STXBP5: variants seen among roughly 807,000 people sequenced by gnomAD.
The protein encoded by STXBP5 is syntaxin binding protein 5.
Under a neutral mutation model 152.4 loss-of-function variants are expected in STXBP5, and 50 were observed. The observed-to-expected ratio is 0.33, with a 90% CI of 0.26 to 0.42. The LOEUF (loss-of-function observed/expected upper bound fraction) is 0.42, where lower values mean the gene tolerates loss of function less well. Ranked by LOEUF, STXBP5 falls within the 10% of genes least tolerant of loss-of-function variation. The pLI is 1.00. For missense variants in STXBP5, 1,167 were observed against 1,388.6 expected (o/e 0.84, Z 2.54); for synonymous variants, 492 against 494.7 (o/e 0.99, Z 0.07).
intron 4 of STXBP5, among the ~76,000 whole-genome samples, chr6:147,251,117 G>C (rs1216514974): frequency 6.6e-6 from 1 of 152,206 alleles, no homozygotes; most frequent in African/African-American, 2.4e-5. Context: ...TGGTTAGACA[G>C]TGGGTGCAGT....
chr6:147,269,725 C>T (rs948891464), intron 7 of STXBP5, among the ~76,000 whole-genome samples: 3 of 152,064 alleles, frequency 2.0e-5, no homozygotes, highest in Non-Finnish European at 4.4e-5. Context: ...GAAAAATACT[C>T]TGAACAGTAC....
chr6:147,376,240 A>G (rs1785803852), intron 26 of STXBP5, among the ~76,000 whole-genome samples: 1 of 152,192 alleles, frequency 6.6e-6, no homozygotes, highest in African/African-American at 2.4e-5. Flanking sequence ...AGATTCTTGA[A>G]TTTTTTGGGA....
intron 21 of STXBP5, among the ~76,000 whole-genome samples, chr6:147,349,891 A>G (rs180715392): frequency 1.2e-4 from 19 of 152,334 alleles, no homozygotes; most frequent in Admixed American, 3.3e-4. Context: ...TAACACAAGT[A>G]ACAAAAGTTA....
rs1785590832 is a variant in STXBP5, at chr6:147,372,406, CCTTTTTTTTTTTTTTTTTT to C, written c.3082-1324_3082-1306del. On this transcript the variant is annotated intron_variant, in intron 25 of 27. Coordinates refer to ENST00000321680, the MANE Select transcript of STXBP5 (RefSeq NM_001127715.4). ...ATATAAATGTTACTACCGTCCTTTT[CCTTTTTTTTTTTTTTTTTT>C]TTTTTTTTTTTTTTTTTTTTTTTTT... Among the ~76,000 whole-genome samples, 38 of 39,106 alleles carry C rather than the reference CCTTTTTTTTTTTTTTTTTT, an allele frequency of 9.7e-4. 6 individuals are homozygous for C. Among genetic ancestry groups the C allele is most frequent in the East Asian group, 4.4e-3 (4 of 918 alleles). 25.7% of individuals were successfully genotyped at this position (39,106 alleles called of 152,430 possible).
chr6:147,358,027 G>A (rs538376462), intron 22 of STXBP5, among the ~76,000 whole-genome samples: 10 of 152,208 alleles, frequency 6.6e-5, no homozygotes, highest in South Asian at 4.1e-4. Context: ...TTTTAAATGC[G>A]CCTGTCATTA....
chr6:147,279,814 G>A (rs1035219627), intron 8 of STXBP5, among the ~76,000 whole-genome samples: 19 of 152,000 alleles, frequency 1.3e-4, no homozygotes, highest in African/African-American at 4.1e-4. Context: ...AACCCTGCTG[G>A]AACCTACGAA....
At chr6:147,267,208 T>G in intron 7 of STXBP5, 41 bp downstream of exon 7, 1 of 1,514,572 alleles carries the variant, frequency 6.6e-7, no homozygotes, top group Middle Eastern at 1.7e-4. Flanking sequence ...GTCATTTCTC[T>G]CATATAAAGC....
chr6:147,230,669 GTGTGTGTA>G (rs1413348524), intron 2 of STXBP5, among the ~76,000 whole-genome samples: 1 of 151,864 alleles, frequency 6.6e-6, no homozygotes, highest in Admixed American at 6.6e-5. Flanking sequence ...CTGTGTGTGT[GTGTGTGTA>G]TGTGTGTGTT....
At chr6:147,284,265 G>A (rs562106131) in intron 8 of STXBP5, among the ~76,000 whole-genome samples, 35 of 152,168 alleles carry the variant, frequency 2.3e-4, no homozygotes, top group African/African-American at 6.7e-4. Flanking sequence ...GAACATAACT[G>A]CAGTGTAACA....
intron 26 of STXBP5, among the ~76,000 whole-genome samples, chr6:147,378,562 A>G (rs189753568): frequency 6.6e-6 from 1 of 152,210 alleles, no homozygotes; most frequent in East Asian, 1.9e-4. Flanking sequence ...ATTAACACAT[A>G]CATTCAGCAT....
intron 5 of STXBP5, 107 bp from the exon 6 acceptor site, chr6:147,262,183 C>G (rs889224429): frequency 4.2e-5 from 30 of 707,152 alleles, no homozygotes; most frequent in Non-Finnish European, 6.6e-5. Flanking sequence ...TCCTTTCTTT[C>G]TTTATAAATA....
At chr6:147,296,578 A>G (rs1781536742) in intron 9 of STXBP5, among the ~76,000 whole-genome samples, 1 of 152,224 alleles carries the variant, frequency 6.6e-6, no homozygotes, top group South Asian at 2.1e-4. Context: ...TGAAAAAGCA[A>G]GGAAACATGA....
chr6:147,349,072 CAT>C (rs1392631460), intron 21 of STXBP5, among the ~76,000 whole-genome samples: 1 of 151,676 alleles, frequency 6.6e-6, no homozygotes, highest in African/African-American at 2.4e-5. Context: ...GCATATATAA[CAT>C]AAGATACAGT....
intron 25 of STXBP5, among the ~76,000 whole-genome samples, chr6:147,371,683 TATA>T (rs1331012583): frequency 3.9e-5 from 6 of 152,158 alleles, no homozygotes; most frequent in Admixed American, 2.0e-4. Flanking sequence ...CTACAGAGAA[TATA>T]ATGAGTTTAA....
chr6:147,387,622 A>G lies in STXBP5; in HGVS notation c.*2867A>G, dbSNP rs1045209250. ...CTTAACACTTTTGCTTTGCATTTCA[A>G]TTGTACAAAGTGTTTCCAAAAAAAT... On this transcript the variant is annotated 3_prime_UTR_variant, in exon 28 of 28. Coordinates refer to ENST00000321680, the MANE Select transcript of STXBP5 (RefSeq NM_001127715.4). 8 of 151,752 alleles carry G rather than the reference A, an allele frequency of 5.3e-5. No homozygotes were observed. Among genetic ancestry groups the G allele is most frequent in the South Asian group, 2.1e-4 (1 of 4,834 alleles). The allele number at this position is 151,752 out of a possible 1,614,324, so 9.4% of individuals were successfully genotyped here.
In STXBP5 at chr6:147,291,160, C is replaced by A; in HGVS notation, c.905C>A (p.Thr302Lys). ...CCTATCCTCAAGGTGGAATTCAAAA[C>A]GACTAGATCTGGGTAAGATTTTACT... The part of the protein sequence containing the change: ...CKPILKVEFK[T>K]TRSGEPFIIL... The change falls in exon 9 of 28, where the codon ACG becomes AAG. Residue 302 changes from threonine (T) to lysine (K), a missense_variant. By Grantham distance (78) the Thr-to-Lys change is moderately conservative. This residue lies in a region of STXBP5 where 24 missense variants were observed against 56.2 expected (regional missense o/e 0.43). Transcript: ENST00000321680. The A allele has an allele frequency of 6.2e-7, 1 of 1,612,324 alleles. No individual in the cohort carries two copies.
chr6:147,296,932 G>T (rs1781556148), intron 9 of STXBP5, among the ~76,000 whole-genome samples: 1 of 151,934 alleles, frequency 6.6e-6, no homozygotes, highest in African/African-American at 2.4e-5. Context: ...AAAAAAATAA[G>T]AATAAAAAAG....
intron 23 of STXBP5, among the ~76,000 whole-genome samples, chr6:147,361,479 A>G (rs377028297): frequency 2.6e-5 from 4 of 152,304 alleles, no homozygotes; most frequent in Admixed American, 2.6e-4. Flanking sequence ...TTAAAAATAT[A>G]TCAGTGACAC....
chr6:147,382,640 T>A, intron 26 of STXBP5, 138 bp from the exon 27 acceptor site: 1 of 818,198 alleles, frequency 1.2e-6, no homozygotes, highest in South Asian at 1.7e-5. Flanking sequence ...AAAGCATGTA[T>A]TAAGCATATT....
Sources: allele counts gnomAD v4.1 joint callset (sites outside exome capture counted in the v4.1 genomes callset), GRCh38; gene constraint gnomAD v4.1.1; regional missense constraint gnomAD v4.1.1; transcripts MANE v1.5; gene names NCBI Gene and HGNC (gene_info 2026-07-23, HGNC 2026-07-21).